WWOX: variants seen among roughly 807,000 people sequenced by gnomAD.
WWOX encodes WW domain containing oxidoreductase.
Under a neutral mutation model 46.2 loss-of-function variants are expected in WWOX, and 69 were observed. The observed-to-expected ratio is 1.49, with a 90% CI of 1.23 to 1.82. The LOEUF (loss-of-function observed/expected upper bound fraction) is 1.82. Ranked by LOEUF, WWOX falls within the 40% of genes most tolerant of loss-of-function variation. The pLI, the probability that WWOX is intolerant of heterozygous loss-of-function variation, is 0.00. For synonymous variants in WWOX, 359 were observed against 202.6 expected, an observed-to-expected ratio of 1.77 and a Z score of -6.56; for missense variants, 919 against 542.6, an observed-to-expected ratio of 1.69 and a Z score of -6.89.
intron 8 of WWOX, among the ~76,000 whole-genome samples, chr16:78,652,120 A>G (rs1400483088): frequency 6.6e-6 from 1 of 151,984 alleles, no homozygotes; most frequent in African/African-American, 2.4e-5. Context: ...GTCACTTAAA[A>G]GATGTTTGGG....
chr16:78,495,903 G>C (rs1036786875), intron 8 of WWOX: 5 of 152,082 alleles, frequency 3.3e-5, no homozygotes, highest in African/African-American at 1.2e-4. Flanking sequence ...TTACTAGTTA[G>C]GTAAAGAATA....
chr16:78,763,380 A>C (rs181111411), intron 8 of WWOX, among the ~76,000 whole-genome samples: 1 of 152,370 alleles, frequency 6.6e-6, no homozygotes, highest in East Asian at 1.9e-4. Flanking sequence ...CTGTTCATCC[A>C]GAACTCATTG....
chr16:78,983,870 C>CTTTTTTTTTTTTT (rs760130115), intron 8 of WWOX, among the ~76,000 whole-genome samples: 2 of 79,844 alleles, frequency 2.5e-5, no homozygotes, highest in Non-Finnish European at 2.2e-5. Context: ...GAGAGCTATT[C>CTTTTTTTTTTTTT]TTTTTTTTTT....
intron 5 of WWOX, among the ~76,000 whole-genome samples, chr16:78,210,864 T>C (rs1188307013): frequency 6.6e-6 from 1 of 152,226 alleles, no homozygotes; most frequent in East Asian, 1.9e-4. Context: ...AGTGTTAATT[T>C]CCTTTTGTAG....
chr16:79,034,828 C>G (rs1014703991), intron 8 of WWOX, among the ~76,000 whole-genome samples: 2 of 152,114 alleles, frequency 1.3e-5, no homozygotes, highest in Non-Finnish European at 1.5e-5. Flanking sequence ...ACCTTCCAGT[C>G]TCCCGAGTAG....
At chr16:78,979,564 C>G (rs8063569) in intron 8 of WWOX, among the ~76,000 whole-genome samples, 75,569 of 151,948 alleles carry the variant, frequency 0.5, 19,627 homozygotes, top group Non-Finnish European at 0.58. Context: ...GCTCCTGTGA[C>G]GGTTTCTACA....
At position 78,348,044 on chromosome 16, in the gene WWOX, T is replaced by G. The variant is rs1373812944; in HGVS notation, c.517-38816T>G. Among the ~76,000 whole-genome samples the G allele has an allele frequency of 1.6e-5, 2 of 122,508 alleles. 1 individual carries two copies. The highest frequency in any genetic ancestry group is 5.5e-5 in the African/African-American group (2 of 36,196). The allele number at this position is 122,508 out of a possible 152,430, so 80.4% of individuals were successfully genotyped here. ...CTCTTTAAAAATATACCTTTCTGCT[T>G]CCATCCCCTAACCCACAAAGCTCAA... On this transcript the variant is annotated intron_variant, in intron 5 of 8. Coordinates refer to ENST00000566780, the MANE Select transcript of WWOX (RefSeq NM_016373.4).
At chr16:79,076,864 A>G (rs1204609965) in intron 8 of WWOX, among the ~76,000 whole-genome samples, 7 of 152,232 alleles carry the variant, frequency 4.6e-5, no homozygotes, top group African/African-American at 1.7e-4. Flanking sequence ...CATGTATCAG[A>G]CGCTTGTCTT....
intron 8 of WWOX, among the ~76,000 whole-genome samples, chr16:78,833,350 C>G (rs1418501757): frequency 6.6e-6 from 1 of 152,002 alleles, no homozygotes; most frequent in Non-Finnish European, 1.5e-5. Context: ...CAGTCCTCAA[C>G]TTGCACTCTT....
chr16:78,467,700 C>G (rs2084114397), intron 8 of WWOX, among the ~76,000 whole-genome samples: 1 of 152,136 alleles, frequency 6.6e-6, no homozygotes, highest in South Asian at 2.1e-4. Flanking sequence ...TCTGTTTTCC[C>G]TCTGTTCAGA....
At chr16:78,411,671 G>A (rs1328955444) in intron 6 of WWOX, among the ~76,000 whole-genome samples, 1 of 152,208 alleles carries the variant, frequency 6.6e-6, no homozygotes, top group Non-Finnish European at 1.5e-5. Context: ...ATTTTAATAA[G>A]TTTAACTAGG....
intron 8 of WWOX, among the ~76,000 whole-genome samples, chr16:78,554,986 G>A (rs2044256821): frequency 6.6e-6 from 1 of 152,072 alleles, no homozygotes; most frequent in Non-Finnish European, 1.5e-5. Flanking sequence ...AAAGGGGCCC[G>A]GATAAACCAG....
chr16:78,198,018 A>G lies in WWOX; in HGVS notation c.516+33729A>G, dbSNP rs75817384. 1.7e-3 allele frequency among the ~76,000 whole-genome samples: 260 copies of G among 151,926 alleles called. 1 individual carries two copies. The highest frequency in any genetic ancestry group is 6.1e-3 in the African/African-American group (251 of 41,416). The stretch of plus-strand genomic sequence containing the variant: ...TTGTAGTTATGGTGGAGCAAAGGGC[A>G]GTTTTCACTCCTCTTCCCTAAAACT... On this transcript the variant is annotated intron_variant, in intron 5 of 8. Coordinates refer to ENST00000566780, the MANE Select transcript of WWOX (RefSeq NM_016373.4).
intron 8 of WWOX, among the ~76,000 whole-genome samples, chr16:78,760,496 G>T (rs1219114171): frequency 6.6e-6 from 1 of 152,178 alleles, no homozygotes; most frequent in African/African-American, 2.4e-5. Flanking sequence ...CCTTCAGCAA[G>T]AAACATTACT....
At chr16:78,827,983 A>G (rs1164702534) in intron 8 of WWOX, among the ~76,000 whole-genome samples, 1 of 152,198 alleles carries the variant, frequency 6.6e-6, no homozygotes. Context: ...GTTGCTGTTG[A>G]AATTGTCAGG....
At chr16:79,060,901 A>G (rs2048346637) in intron 8 of WWOX, among the ~76,000 whole-genome samples, 1 of 152,194 alleles carries the variant, frequency 6.6e-6, no homozygotes, top group Admixed American at 6.5e-5. Context: ...CATTCTAAGA[A>G]CTTCCATCCA....
At chr16:78,767,863 G>A (rs993877894) in intron 8 of WWOX, among the ~76,000 whole-genome samples, 2 of 152,092 alleles carry the variant, frequency 1.3e-5, no homozygotes, top group African/African-American at 2.4e-5. Flanking sequence ...TTTGGAGAAA[G>A]TAACATCCAT....
Position 79,211,874 on chromosome 16 carries a change from C to T in WWOX, c.*78C>T, listed in dbSNP as rs747465763. On this transcript the variant is annotated 3_prime_UTR_variant, in exon 9 of 9. Transcript: ENST00000566780. Reference sequence around the variant, plus strand: ...CGCAAGTGCCAGGGCTGGGCCCCTTCCAAATGTCCCTCCAACACAGATCCG... The same window carrying T: ...CGCAAGTGCCAGGGCTGGGCCCCTTTCAAATGTCCCTCCAACACAGATCCG... 3.0e-5 allele frequency: 47 copies of T among 1,590,902 alleles called. No individual in the cohort carries two copies. The highest frequency in any genetic ancestry group is 3.9e-5 in the Non-Finnish European group (46 of 1,170,556).
intron 8 of WWOX, among the ~76,000 whole-genome samples, chr16:78,887,646 A>G (rs1419431254): frequency 6.6e-6 from 1 of 152,190 alleles, no homozygotes; most frequent in Admixed American, 6.5e-5. Flanking sequence ...GTCAGATAAG[A>G]TATATGTGGA....
Sources: gnomAD v4.1 joint callset for allele counts (sites outside exome capture counted in the v4.1 genomes callset) on GRCh38, gnomAD v4.1.1 for gene constraint, MANE v1.5 for transcripts, NCBI Gene and HGNC (gene_info 2026-07-23, HGNC 2026-07-21) for gene names.